DCHS2: variants seen among roughly 807,000 people sequenced by gnomAD.
The protein encoded by DCHS2 is protocadherin-23.
DCHS2 carries 142 observed loss-of-function variants against 182.4 expected under a neutral mutation model. The observed-to-expected ratio is 0.78, with a 90% CI of 0.68 to 0.89. The LOEUF (loss-of-function observed/expected upper bound fraction) is 0.89. Ranked by LOEUF, DCHS2 falls within the 40% of genes least tolerant of loss-of-function variation. The pLI, the probability that DCHS2 is intolerant of heterozygous loss-of-function variation, is 0.00. For missense variants in DCHS2, 4,319 were observed against 4,198.6 expected (o/e 1.03, Z -0.79); for synonymous variants, 1,740 against 1,663.3 (o/e 1.05, Z -1.12).
At chr4:154,282,674 A>T (rs1009108447) in intron 13 of DCHS2, among the ~76,000 whole-genome samples, 6 of 152,118 alleles carry the variant, frequency 3.9e-5, no homozygotes, top group Non-Finnish European at 5.9e-5. Flanking sequence ...CCACTTCAGG[A>T]TATATATCCC....
intron 1 of DCHS2, among the ~76,000 whole-genome samples, chr4:154,395,179 A>C (rs1731877014): frequency 6.6e-6 from 1 of 152,200 alleles, no homozygotes; most frequent in African/African-American, 2.4e-5. Flanking sequence ...TATATCATTA[A>C]GGGCATTATT....
Position 154,345,636 on chromosome 4 carries a change from C to A in DCHS2, c.2477-10532G>T, listed in dbSNP as rs150772674. Among the ~76,000 whole-genome samples, 3 of 148,274 alleles carry A rather than the reference C, an allele frequency of 2.0e-5. No homozygotes were observed. The East Asian group carries it at 6.1e-4, about 30-fold the overall frequency. On this transcript the variant is annotated intron_variant, in intron 3 of 19. Transcript: ENST00000357232. ...GTTTCCTTCATGAAACCTATCATAA[C>A]CTGTGGTATTTTCTGTTTTCCTGTT...
At chr4:154,271,421 T>C (rs965624417) in intron 13 of DCHS2, among the ~76,000 whole-genome samples, 1 of 152,214 alleles carries the variant, frequency 6.6e-6, no homozygotes, top group Admixed American at 6.5e-5. Context: ...AATAAAACTT[T>C]ATTTACCAAA....
At chr4:154,393,292 T>C (rs17031543) in intron 1 of DCHS2, among the ~76,000 whole-genome samples, 3,791 of 152,264 alleles carry the variant, frequency 0.025, 175 homozygotes, top group African/African-American at 0.084. Context: ...AACTTCTACA[T>C]GTTGATTCAA....
At chr4:154,240,977 C>G (rs924034216) in intron 17 of DCHS2, among the ~76,000 whole-genome samples, 154 bp from the exon 18 acceptor site, 1 of 152,144 alleles carries the variant, frequency 6.6e-6, no homozygotes, top group Non-Finnish European at 1.5e-5. Context: ...ATGCACTGAA[C>G]AAAAACTCTG....
Position 154,366,434 on chromosome 4 carries a change from A to G in DCHS2, c.2252T>C (p.Leu751Pro). The change falls in exon 3 of 20, where the codon CTA (leucine) becomes CCA (proline). Residue 751 changes from leucine (L) to proline (P), a missense_variant. Transcript: ENST00000357232. The part of the protein sequence containing the change: ...LLVEAKDGGG[L>P]SAQAFVRVDL... The stretch of plus-strand genomic sequence containing the variant: ...CACACGAACAAAGGCTTGGGCACTT[A>G]GCCCACCCTGGTGGATGAATGAGTG... 1 of 1,612,062 alleles carries G rather than the reference A, an allele frequency of 6.2e-7. No individual in the cohort carries two copies. The highest frequency in any genetic ancestry group is 8.5e-7 in the Non-Finnish European group (1 of 1,178,728).
rs1416786850 is a variant in DCHS2 at position 154,315,741 on chromosome 4, A to G, written c.5260+7T>C. 6.2e-7 allele frequency: 1 copy of G among 1,610,988 alleles called. No individual in the cohort carries two copies. Among genetic ancestry groups the G allele is most frequent in the Non-Finnish European group, 8.5e-7 (1 of 1,178,618 alleles). On this transcript the variant is annotated splice_region_variant and intron_variant, in intron 10 of 19. Coordinates refer to ENST00000357232, the MANE Select transcript of DCHS2 (RefSeq NM_001358235.2). ...TTAAATACCCAGTTTCTGTATTTCT[A>G]AATTACCTGAATCTCTGTCCAGAGC...
At chr4:154,314,861 T>C (rs1157963512) in intron 10 of DCHS2, among the ~76,000 whole-genome samples, 2 of 152,206 alleles carry the variant, frequency 1.3e-5, no homozygotes, top group Non-Finnish European at 2.9e-5. Context: ...GTGTTTCACA[T>C]GTGAATGGGA....
Position 154,304,859 on chromosome 4 carries a change from T to C in DCHS2, c.5415A>G (p.Gly1805=). 1 of 1,612,080 alleles carries C rather than the reference T, an allele frequency of 6.2e-7. No individual in the cohort carries two copies. The highest frequency in any genetic ancestry group is 8.5e-7 in the Non-Finnish European group (1 of 1,179,106). The change falls in exon 12 of 20, where the codon GGA becomes GGG. Residue 1805 remains glycine (G), a synonymous_variant. Coordinates refer to ENST00000357232, the MANE Select transcript of DCHS2 (RefSeq NM_001358235.2). ...TTGTGGTGCTGGACAATGAAGGGAA[T>C]CCCCCATCTCGTACTAGTACTGACA... ...FTLRVLVRDG[G]FPSLSSTTTI...
Position 154,282,501 on chromosome 4 carries a change from A to T in DCHS2, c.6464-12488T>A, listed in dbSNP as rs553605210. ...GGATGGCATTTATTTTATATCAAAA[A>T]TTAAAAAAAAAACAGAAAATAACAA... is the stretch of plus-strand genomic sequence containing the variant. On this transcript the variant is annotated intron_variant, in intron 13 of 19. Transcript: ENST00000357232. 3.3e-5 allele frequency among the ~76,000 whole-genome samples: 5 copies of T among 150,828 alleles called. No individual in the cohort carries two copies. In the South Asian group the frequency reaches 1.0e-3, roughly 31 times the overall value.
At chr4:154,437,759 T>C (rs948280234) in intron 1 of DCHS2, among the ~76,000 whole-genome samples, 5 of 152,258 alleles carry the variant, frequency 3.3e-5, no homozygotes, top group African/African-American at 9.6e-5. Flanking sequence ...TAAATCATTA[T>C]ATATAAGGAA....
chr4:154,485,029 T>C (rs1314420358), intron 1 of DCHS2, among the ~76,000 whole-genome samples: 1 of 152,174 alleles, frequency 6.6e-6, no homozygotes, highest in African/African-American at 2.4e-5. Flanking sequence ...TTCCCACCTA[T>C]AAAGCTCTAC....
intron 8 of DCHS2, among the ~76,000 whole-genome samples, chr4:154,321,865 C>A (rs1374232594): frequency 6.6e-6 from 1 of 152,086 alleles, no homozygotes; most frequent in African/African-American, 2.4e-5. Context: ...AGACTTCTCA[C>A]AACTTGTTTG....
intron 12 of DCHS2, among the ~76,000 whole-genome samples, chr4:154,300,041 C>G (rs886436536): frequency 2.6e-5 from 4 of 152,110 alleles, no homozygotes; most frequent in African/African-American, 9.7e-5. Context: ...GTGGAGAAAG[C>G]CATACTACAA....
chr4:154,297,333 T>A (rs1013495706), intron 13 of DCHS2, among the ~76,000 whole-genome samples: 6 of 152,228 alleles, frequency 3.9e-5, no homozygotes, highest in Non-Finnish European at 8.8e-5. Flanking sequence ...GGTCCCAACC[T>A]ATTGCTTCAG....
At chr4:154,383,665 C>G (rs919690641) in intron 1 of DCHS2, among the ~76,000 whole-genome samples, 4 of 151,936 alleles carry the variant, frequency 2.6e-5, no homozygotes. Context: ...GCTTACATCC[C>G]CCTCATCAGG....
At chr4:154,444,837 G>A (rs1017758129) in intron 1 of DCHS2, among the ~76,000 whole-genome samples, 2 of 152,050 alleles carry the variant, frequency 1.3e-5, no homozygotes, top group Non-Finnish European at 2.9e-5. Context: ...TCTCTTCCAC[G>A]CGCCCCGTTC....
chr4:154,269,855 A>C, intron 14 of DCHS2, 45 bp downstream of exon 14: 1 of 1,580,512 alleles, frequency 6.3e-7, no homozygotes, highest in Non-Finnish European at 8.5e-7. Context: ...AAATAACATT[A>C]AATGGAGCAG....
intron 16 of DCHS2, 69 bp from the exon 17 acceptor site, chr4:154,242,841 A>G: frequency 6.6e-7 from 1 of 1,509,466 alleles, no homozygotes; most frequent in African/African-American, 1.4e-5. Flanking sequence ...ATAAATATCA[A>G]ATATCTAGTT....
Sources: gnomAD v4.1 joint callset for allele counts (sites outside exome capture counted in the v4.1 genomes callset) on GRCh38, gnomAD v4.1.1 for gene constraint, MANE v1.5 for transcripts, NCBI Gene and HGNC (gene_info 2026-07-23, HGNC 2026-07-21) for gene names.